The following MRTFB variants were observed in gnomAD, a reference collection of about 807,000 sequenced individuals.
The protein encoded by MRTFB is myocardin-related transcription factor B.
Under a neutral mutation model 104.2 loss-of-function variants are expected in MRTFB, and 29 were observed. That is an observed-to-expected ratio of 0.28 (90% CI 0.21 to 0.38). The LOEUF (loss-of-function observed/expected upper bound fraction) is 0.38, where lower values mean the gene tolerates loss of function less well. Ranked by LOEUF, MRTFB falls within the 10% of genes least tolerant of loss-of-function variation. The pLI is 1.00. For synonymous variants in MRTFB, 535 were observed against 519.5 expected (o/e 1.03, Z -0.41); for missense variants, 1,270 against 1,341.6 (o/e 0.95, Z 0.83).
the MRTFB span, among the ~76,000 whole-genome samples, chr16:14,002,872 A>G: frequency 6.6e-6 from 1 of 152,034 alleles, no homozygotes. Flanking sequence ...AAAGAAAAGC[A>G]ACAGAGAATT....
chr16:14,066,282 A>T, the MRTFB span, among the ~76,000 whole-genome samples: 1 of 150,108 alleles, frequency 6.7e-6, no homozygotes, highest in Non-Finnish European at 1.5e-5. Context: ...TATTATTATT[A>T]TTATTTTTTG....
chr16:14,079,218 C>A (rs1596713941), intron 1 of MRTFB, 72 bp from the exon 2 acceptor site: 1 of 320,558 alleles, frequency 3.1e-6, no homozygotes, highest in East Asian at 4.2e-5. Flanking sequence ...TTCACATTCT[C>A]CAAGAGACAC....
the MRTFB span, among the ~76,000 whole-genome samples, chr16:14,048,800 C>G: frequency 9.2e-5 from 14 of 152,132 alleles, no homozygotes; most frequent in African/African-American, 3.4e-4. Context: ...ATCCACCACC[C>G]CCTTTTGATT....
At chr16:14,092,157 T>C (rs1380209598) in intron 2 of MRTFB, among the ~76,000 whole-genome samples, 1 of 152,190 alleles carries the variant, frequency 6.6e-6, no homozygotes, top group Non-Finnish European at 1.5e-5. Flanking sequence ...TCAGAAATTG[T>C]GTCTGTGTTA....
At position 14,167,059 on chromosome 16, in the gene MRTFB, G is replaced by C. The variant is rs143129065; in HGVS notation, c.154+26299G>C. The stretch of plus-strand genomic sequence containing the variant: ...ATTGCTAGGTCAAATGGTATTTCTG[G>C]TTCTAGGTCTCTGTGAAATTGCCAC... On this transcript the variant is annotated intron_variant, in intron 3 of 16. Transcript: ENST00000571589. Among the ~76,000 whole-genome samples the C allele has an allele frequency of 2.5e-3, 381 of 152,238 alleles. 1 individual carries two copies. The highest frequency in any genetic ancestry group is 8.7e-3 in the African/African-American group (361 of 41,544).
chr16:14,167,646 A>G (rs752476049), intron 3 of MRTFB, among the ~76,000 whole-genome samples: 4 of 152,046 alleles, frequency 2.6e-5, no homozygotes, highest in South Asian at 2.1e-4. Context: ...GGTTTTACAT[A>G]TAAGTCTTTA....
rs2043884012 is a variant in MRTFB at position 14,264,619 on chromosome 16, A to T, written c.*3175A>T. On this transcript the variant is annotated 3_prime_UTR_variant, in exon 17 of 17. Transcript: ENST00000571589. Reference sequence around the variant, plus strand: ...TTTTTGTAATTCTAAAAGAGATCTTATTTAAATTTCCTTTTTAAAAGCCGC... The same window carrying T: ...TTTTTGTAATTCTAAAAGAGATCTTTTTTAAATTTCCTTTTTAAAAGCCGC... The T allele has an allele frequency of 6.6e-6, 1 of 152,224 alleles. No homozygotes were observed. The highest frequency in any genetic ancestry group is 1.5e-5 in the Non-Finnish European group (1 of 68,030). 9.4% of individuals were successfully genotyped at this position (152,224 alleles called of 1,614,324 possible).
chr16:14,014,681 C>G, the MRTFB span, among the ~76,000 whole-genome samples: 1 of 151,896 alleles, frequency 6.6e-6, no homozygotes, highest in Non-Finnish European at 1.5e-5. Context: ...TGGTGAAACC[C>G]CGTCTCTACT....
At chr16:14,206,368 G>T (rs1191044504) in intron 3 of MRTFB, among the ~76,000 whole-genome samples, 4 of 152,214 alleles carry the variant, frequency 2.6e-5, no homozygotes, top group Non-Finnish European at 5.9e-5. Flanking sequence ...GCAGATATCT[G>T]CTGTGACTTA....
At chr16:14,086,653 T>G (rs970255617) in intron 2 of MRTFB, among the ~76,000 whole-genome samples, 1 of 152,192 alleles carries the variant, frequency 6.6e-6, no homozygotes, top group East Asian at 1.9e-4. Context: ...CTCTTTTATG[T>G]GGCAATGCAG....
chr16:14,057,896 C>G, the MRTFB span, among the ~76,000 whole-genome samples: 3 of 152,188 alleles, frequency 2.0e-5, no homozygotes, highest in Non-Finnish European at 2.9e-5. Context: ...GGTATTATTC[C>G]TTTTAGTGTT....
the MRTFB span, among the ~76,000 whole-genome samples, chr16:14,061,032 G>A: frequency 2.6e-4 from 39 of 152,146 alleles, no homozygotes; most frequent in Non-Finnish European, 5.1e-4. Context: ...TGTAGTCCCA[G>A]CTACTCAGGA....
chr16:14,061,736 A>C, the MRTFB span, among the ~76,000 whole-genome samples: 1 of 152,088 alleles, frequency 6.6e-6, no homozygotes, highest in East Asian at 1.9e-4. Context: ...AGAGAGAGTC[A>C]AAGGAGGGGG....
intron 3 of MRTFB, among the ~76,000 whole-genome samples, chr16:14,144,955 A>T (rs9929192): frequency 0.087 from 12,447 of 143,530 alleles, 900 homozygotes; most frequent in East Asian, 0.29. Context: ...TCTCAAAAAA[A>T]AAAAAAATAA....
chr16:14,235,061 G>T (rs1437574985), intron 9 of MRTFB, among the ~76,000 whole-genome samples: 1 of 151,966 alleles, frequency 6.6e-6, no homozygotes, highest in African/African-American at 2.4e-5. Flanking sequence ...AAGAAGAAAT[G>T]ACAAAGCCAG....
At chr16:14,030,004 G>A in the MRTFB span, among the ~76,000 whole-genome samples, 1 of 151,894 alleles carries the variant, frequency 6.6e-6, no homozygotes. Flanking sequence ...CATGGGGAGG[G>A]GGGAGGGGAG....
the MRTFB span, among the ~76,000 whole-genome samples, chr16:14,064,429 T>C: frequency 6.6e-6 from 1 of 152,230 alleles, no homozygotes; most frequent in African/African-American, 2.4e-5. Context: ...GTCTGTTTAC[T>C]CTGTTGATAG....
chr16:14,032,492 C>A, the MRTFB span, among the ~76,000 whole-genome samples: 3 of 152,184 alleles, frequency 2.0e-5, no homozygotes, highest in African/African-American at 4.8e-5. Flanking sequence ...AAACCAGAAA[C>A]GTACATAAAT....
At chr16:14,188,042 G>T (rs2040020943) in intron 3 of MRTFB, among the ~76,000 whole-genome samples, 1 of 152,190 alleles carries the variant, frequency 6.6e-6, no homozygotes, top group Admixed American at 6.5e-5. Flanking sequence ...TAAAAGATAA[G>T]AAGAAGAAAC....
Sources: gnomAD v4.1 joint callset for allele counts (sites outside exome capture counted in the v4.1 genomes callset) on GRCh38, gnomAD v4.1.1 for gene constraint, MANE v1.5 for transcripts, NCBI Gene and HGNC (gene_info 2026-07-23, HGNC 2026-07-21) for gene names.